HERC1: variants seen among roughly 807,000 people sequenced by gnomAD.
HERC1 encodes HECT and RLD domain containing E3 ubiquitin protein ligase family member 1, also known as probable E3 ubiquitin-protein ligase HERC1.
A neutral mutation model predicts 554.3 loss-of-function variants in HERC1; 160 were observed. The observed-to-expected ratio is 0.29, with a 90% CI of 0.25 to 0.33. HERC1 has a LOEUF of 0.33. Among genes scored for constraint, HERC1 ranks in the 10% least tolerant of loss-of-function variants. The probability of loss-of-function intolerance (pLI) is 1.00; values close to 1 mark genes in which losing one functional copy is unlikely to be tolerated. For synonymous variants in HERC1, 2,175 were observed against 2,131.7 expected, an observed-to-expected ratio of 1.02 and a Z score of -0.56; for missense variants, 4,919 against 5,918.5, an observed-to-expected ratio of 0.83 and a Z score of 5.54.
At chr15:63,703,224 C>T (rs4411464) in intron 25 of HERC1, among the ~76,000 whole-genome samples, 123,520 of 152,126 alleles carry the variant, frequency 0.81, 52,015 homozygotes, top group Non-Finnish European at 0.87. Flanking sequence ...TTCACTTTCT[C>T]AGACCAAGGG....
chr15:63,829,495 TATATACAC>T (rs1345667362), intron 1 of HERC1, among the ~76,000 whole-genome samples: 3 of 65,336 alleles, frequency 4.6e-5, no homozygotes, highest in Admixed American at 2.9e-4. Context: ...TATATATATA[TATATACAC>T]ACACACACAT....
intron 1 of HERC1, among the ~76,000 whole-genome samples, chr15:63,811,278 G>C (rs2077299258): frequency 6.6e-6 from 1 of 152,216 alleles, no homozygotes; most frequent in Admixed American, 6.5e-5. Flanking sequence ...ACATGCCAAT[G>C]TACTGGGAGA....
chr15:63,623,162 G>A (rs536837413), intron 73 of HERC1, among the ~76,000 whole-genome samples: 2 of 152,316 alleles, frequency 1.3e-5, no homozygotes, highest in South Asian at 4.2e-4. Context: ...AGAGTGTAGT[G>A]ATGTTCAAAT....
chr15:63,742,632 G>A (rs963070881), intron 12 of HERC1, among the ~76,000 whole-genome samples: 2 of 152,126 alleles, frequency 1.3e-5, no homozygotes, highest in Admixed American at 1.3e-4. Flanking sequence ...TTCAGGTTAA[G>A]AAAGTTCCCT....
At chr15:63,802,280 A>G (rs1482738745) in intron 1 of HERC1, among the ~76,000 whole-genome samples, 1 of 152,258 alleles carries the variant, frequency 6.6e-6, no homozygotes, top group Non-Finnish European at 1.5e-5. Flanking sequence ...CCTGCTAAAA[A>G]AGAAAAAACT....
rs558147223 is a variant in HERC1 at position 63,628,646 on chromosome 15, G to A, written c.13105+31C>T. Reference sequence around the variant, plus strand: ...CATGGGGTACTGCTAAAAAAGAAACGCTGCAGGAGCATGAATATTTCATTC... The same window carrying A: ...CATGGGGTACTGCTAAAAAAGAAACACTGCAGGAGCATGAATATTTCATTC... On this transcript the variant is annotated intron_variant, in intron 70 of 77. Coordinates refer to ENST00000443617, the MANE Select transcript of HERC1 (RefSeq NM_003922.4). 58 of 1,579,842 alleles carry A rather than the reference G, an allele frequency of 3.7e-5. No individual in the cohort carries two copies. In the African/African-American group the frequency reaches 6.0e-4, roughly 16 times the overall value.
chr15:63,660,497 G>A (rs998273703), intron 46 of HERC1, among the ~76,000 whole-genome samples: 15 of 152,150 alleles, frequency 9.9e-5, no homozygotes, highest in African/African-American at 3.1e-4. Flanking sequence ...AGTTAAATAA[G>A]TTGACAGCAA....
chr15:63,766,838 C>T (rs1216705046), intron 2 of HERC1, among the ~76,000 whole-genome samples: 3 of 151,440 alleles, frequency 2.0e-5, no homozygotes, highest in Non-Finnish European at 2.9e-5. Context: ...CCACCATGCC[C>T]AGCTAATTTT....
chr15:63,749,897 T>C lies in HERC1; in HGVS notation c.1903-106A>G, dbSNP rs1168643298. 4.4e-6 allele frequency: 4 copies of C among 909,140 alleles called. No homozygotes were observed. In the African/African-American group the frequency reaches 6.9e-5, roughly 16 times the overall value. The allele number at this position is 909,140 out of a possible 1,614,324, so 56.3% of individuals were successfully genotyped here. ...AACTAAAGTGTGGTTTGATAGTAAA[T>C]AACTTTCTGATGTTAAAATCATTTT... On this transcript the variant is annotated intron_variant, in intron 8 of 77. Coordinates refer to ENST00000443617, the MANE Select transcript of HERC1 (RefSeq NM_003922.4). The surrounding 1 kb of genome is among the most constrained non-coding windows in gnomAD (Gnocchi z 4.1).
rs1283985567 is a variant in HERC1 at position 63,716,343 on chromosome 15, T to A, written c.4109A>T (p.Asp1370Val). The part of the protein sequence containing the change: ...DREEGHPEPE[D>V]EEEEREHEVM... ...TTCATGTTCCCGTTCCTCCTCTTCA[T>A]CCTCTGGCTCCGGATGCCCCTCTTC... The change falls in exon 22 of 78, where the codon GAT (aspartate) becomes GTT (valine). Residue 1370 changes from aspartate to valine, a missense_variant. This residue lies in a region of HERC1 where 1,121 missense variants were observed against 1,244.0 expected (regional missense o/e 0.90). Transcript: ENST00000443617. 3 of 1,613,768 alleles carry A rather than the reference T, an allele frequency of 1.9e-6. No homozygotes were observed. Among genetic ancestry groups the A allele is most frequent in the Non-Finnish European group, 2.5e-6 (3 of 1,179,854 alleles).
At chr15:63,811,829 CAG>C (rs1265652916) in intron 1 of HERC1, among the ~76,000 whole-genome samples, 1 of 132,538 alleles carries the variant, frequency 7.5e-6, no homozygotes, top group Non-Finnish European at 1.6e-5. Flanking sequence ...AAAAAAAAAA[CAG>C]AAAGGAAAAA....
chr15:63,829,156 C>T (rs775038033), intron 1 of HERC1, among the ~76,000 whole-genome samples: 34 of 151,922 alleles, frequency 2.2e-4, no homozygotes, highest in African/African-American at 8.0e-4. Flanking sequence ...CTGTGGCTCA[C>T]GCATGGAATC....
chr15:63,699,514 T>C (rs1340697876), intron 25 of HERC1, among the ~76,000 whole-genome samples: 1 of 152,136 alleles, frequency 6.6e-6, no homozygotes, highest in East Asian at 1.9e-4. Context: ...GCAAGTAAAC[T>C]TACACAAAAA....
intron 1 of HERC1, among the ~76,000 whole-genome samples, chr15:63,808,158 G>A (rs1030498649): frequency 6.7e-6 from 1 of 149,796 alleles, no homozygotes; most frequent in African/African-American, 2.5e-5. Context: ...CAATGTCCTA[G>A]TACAAAAAGT....
intron 3 of HERC1, among the ~76,000 whole-genome samples, chr15:63,761,501 C>T (rs931941833): frequency 6.6e-6 from 1 of 151,134 alleles, no homozygotes; most frequent in Non-Finnish European, 1.5e-5. Context: ...GCTGGAAGAT[C>T]ACTTGAGCCC....
At chr15:63,782,437 G>A (rs1307389407) in intron 1 of HERC1, among the ~76,000 whole-genome samples, 1 of 152,144 alleles carries the variant, frequency 6.6e-6, no homozygotes, top group Non-Finnish European at 1.5e-5. Flanking sequence ...TTACTACACA[G>A]TTTACTAAAT....
chr15:63,672,867 G>A (rs907388377), intron 38 of HERC1, among the ~76,000 whole-genome samples, 173 bp from the exon 39 acceptor site: 1 of 152,070 alleles, frequency 6.6e-6, no homozygotes. Context: ...ATACATCTTT[G>A]TATTCACTAC....
At chr15:63,635,800 G>T (rs958496149) in intron 65 of HERC1, among the ~76,000 whole-genome samples, 161 bp downstream of exon 65, 2 of 152,130 alleles carry the variant, frequency 1.3e-5, no homozygotes, top group East Asian at 3.8e-4. Context: ...TCAAACTTCT[G>T]ACAAGCTCAA....
At chr15:63,700,720 A>C (rs1483911441) in intron 25 of HERC1, among the ~76,000 whole-genome samples, 3 of 151,202 alleles carry the variant, frequency 2.0e-5, no homozygotes, top group African/African-American at 7.3e-5. Context: ...AAAAAAAAAA[A>C]AAAAAAAAAA....
Sources: allele counts gnomAD v4.1 joint callset (sites outside exome capture counted in the v4.1 genomes callset), GRCh38; gene constraint gnomAD v4.1.1; regional missense constraint gnomAD v4.1.1; non-coding constraint Gnocchi (gnomAD v3.1); transcripts MANE v1.5; gene names NCBI Gene and HGNC (gene_info 2026-07-23, HGNC 2026-07-21).